The following DLG1 variants were observed in gnomAD, a reference collection of about 807,000 sequenced individuals.
DLG1 encodes disks large homolog 1.
In DLG1, 42 loss-of-function variants were observed where a neutral mutation model predicts 123.4. The ratio of observed to expected loss-of-function variants is 0.34; its 90% confidence interval spans 0.27 to 0.44. The LOEUF is 0.44. Ranked by LOEUF, DLG1 falls within the 20% of genes least tolerant of loss-of-function variation. DLG1 has a pLI of 1.00. For synonymous variants in DLG1, 317 were observed against 356.2 expected (o/e 0.89, Z 1.24); for missense variants, 942 against 1,082.6 (o/e 0.87, Z 1.82).
rs549201847 is a variant in DLG1, at chr3:197,210,998, G to A, written c.319-16409C>T. ...GACCAAATATGATTTATTTCAACAA[G>A]GCAAGGTTAGTTTAACATCTAAAAA... On this transcript the variant is annotated intron_variant, in intron 4 of 24. Transcript: ENST00000667157. 1.4e-5 allele frequency among the ~76,000 whole-genome samples: 2 copies of A among 145,960 alleles called. 1 individual carries two copies. The highest frequency in any genetic ancestry group is 5.2e-4 in the South Asian group (2 of 3,882).
intron 4 of DLG1, among the ~76,000 whole-genome samples, chr3:197,203,995 G>A (rs892236131): frequency 2.0e-5 from 3 of 152,156 alleles, no homozygotes; most frequent in South Asian, 2.1e-4. Flanking sequence ...AGAAGGCCCC[G>A]GTGTAGGTGC....
chr3:197,147,634 G>C (rs867333684), intron 6 of DLG1, among the ~76,000 whole-genome samples: 1 of 152,050 alleles, frequency 6.6e-6, no homozygotes, highest in African/African-American at 2.4e-5. Context: ...GGATGCAAAG[G>C]CATGAGAATG....
At chr3:197,087,309 T>G (rs1427267316) in intron 15 of DLG1, among the ~76,000 whole-genome samples, 1 of 152,116 alleles carries the variant, frequency 6.6e-6, no homozygotes, top group Non-Finnish European at 1.5e-5. Flanking sequence ...TAAAGAGGTA[T>G]TCTGTAGGTA....
chr3:197,207,157 T>C (rs924386976), intron 4 of DLG1, among the ~76,000 whole-genome samples: 5 of 152,226 alleles, frequency 3.3e-5, no homozygotes, highest in Non-Finnish European at 7.3e-5. Context: ...ACGCAAAGTT[T>C]GCTCTTTGCT....
intron 5 of DLG1, among the ~76,000 whole-genome samples, chr3:197,177,438 G>GAAC (rs527580233): frequency 1.2e-3 from 182 of 152,216 alleles, no homozygotes; most frequent in African/African-American, 4.2e-3. Context: ...TAATGAATAT[G>GAAC]AACAATTCCA....
At chr3:197,111,746 C>T (rs1292389084) in intron 13 of DLG1, among the ~76,000 whole-genome samples, 1 of 152,176 alleles carries the variant, frequency 6.6e-6, no homozygotes, top group African/African-American at 2.4e-5. Context: ...GTTAGTGTCA[C>T]CTGCTCTTGA....
At chr3:197,296,279 A>G in intron 3 of DLG1, 67 bp downstream of exon 3, 1 of 1,447,616 alleles carries the variant, frequency 6.9e-7, no homozygotes, top group Non-Finnish European at 9.5e-7. Context: ...TCTTAAGTTT[A>G]AAATAAATGA....
chr3:197,076,560 G>T, intron 18 of DLG1, 26 bp downstream of exon 18: 1 of 1,566,018 alleles, frequency 6.4e-7, no homozygotes, highest in Admixed American at 1.7e-5. Flanking sequence ...TTTATTTTCA[G>T]TTGACCACTG....
intron 4 of DLG1, among the ~76,000 whole-genome samples, chr3:197,229,305 C>G (rs1449842793): frequency 6.6e-6 from 1 of 151,716 alleles, no homozygotes; most frequent in Non-Finnish European, 1.5e-5. Flanking sequence ...CCAGCCTAGT[C>G]AACACAGCAA....
At chr3:197,147,847 A>T (rs1378022895) in intron 6 of DLG1, among the ~76,000 whole-genome samples, 1 of 150,138 alleles carries the variant, frequency 6.7e-6, no homozygotes, top group African/African-American at 2.4e-5. Context: ...ACAAAAAATA[A>T]AATCCTGAAG....
At chr3:197,057,758 T>G (rs960924544) in intron 23 of DLG1, among the ~76,000 whole-genome samples, 12 of 152,220 alleles carry the variant, frequency 7.9e-5, no homozygotes, top group Non-Finnish European at 1.8e-4. Flanking sequence ...TGTTGATCTC[T>G]TTGGTGTCTG....
At chr3:197,166,556 T>C (rs1801514545) in intron 5 of DLG1, among the ~76,000 whole-genome samples, 1 of 152,144 alleles carries the variant, frequency 6.6e-6, no homozygotes, top group Admixed American at 6.5e-5. Flanking sequence ...ACACCTGGCA[T>C]CCAAATCTTG....
chr3:197,053,749 G>T (rs1223389440), intron 23 of DLG1, among the ~76,000 whole-genome samples: 1 of 147,114 alleles, frequency 6.8e-6, no homozygotes, highest in Non-Finnish European at 1.5e-5. Context: ...ACTCCAGCCT[G>T]GGAGACAGAG....
chr3:197,044,827 G>T, intron 24 of DLG1, 98 bp from the exon 25 acceptor site: 1 of 650,030 alleles, frequency 1.5e-6, no homozygotes. Flanking sequence ...CTTTGAAAAA[G>T]TTACTCATCC....
chr3:197,189,211 G>A (rs963437680), intron 5 of DLG1, among the ~76,000 whole-genome samples: 1 of 152,088 alleles, frequency 6.6e-6, no homozygotes, highest in African/African-American at 2.4e-5. Context: ...CTCATTGCAG[G>A]TTTCTTTACA....
intron 4 of DLG1, among the ~76,000 whole-genome samples, chr3:197,241,291 T>C (rs2150738454): frequency 6.6e-6 from 1 of 152,052 alleles, no homozygotes; most frequent in East Asian, 1.9e-4. Flanking sequence ...TCCAGGAATA[T>C]CCTTGTCCAG....
At chr3:197,173,911 C>A (rs1805631102) in intron 5 of DLG1, among the ~76,000 whole-genome samples, 1 of 152,138 alleles carries the variant, frequency 6.6e-6, no homozygotes, top group Admixed American at 6.6e-5. Context: ...CAAGACCAGC[C>A]TGGCCAACAT....
At chr3:197,059,268 G>C (rs1251016281) in intron 23 of DLG1, among the ~76,000 whole-genome samples, 1 of 152,142 alleles carries the variant, frequency 6.6e-6, no homozygotes, top group Non-Finnish European at 1.5e-5. Context: ...TTGCCTTAAA[G>C]TATATTCGTC....
intron 24 of DLG1, among the ~76,000 whole-genome samples, chr3:197,048,743 C>A (rs984597884): frequency 3.9e-5 from 6 of 152,144 alleles, no homozygotes; most frequent in African/African-American, 1.2e-4. Context: ...GCAACCTCCG[C>A]TTCCCAGGTT....
Sources: allele counts gnomAD v4.1 joint callset (sites outside exome capture counted in the v4.1 genomes callset), GRCh38; gene constraint gnomAD v4.1.1; transcripts MANE v1.5; gene names NCBI Gene and HGNC (gene_info 2026-07-23, HGNC 2026-07-21).